Variants in TTN observed in about 807,000 individuals in gnomAD.
TTN encodes connectin.
A neutral mutation model predicts 3,223.0 loss-of-function variants in TTN; 1,525 were observed. The ratio of observed to expected loss-of-function variants is 0.47; its 90% CI spans 0.45 to 0.49. The LOEUF (loss-of-function observed/expected upper bound fraction) is 0.49, where lower values mean the gene tolerates loss of function less well. Among genes scored for constraint, TTN ranks in the 20% least tolerant of loss-of-function variants. The pLI is 0.00. For synonymous variants in TTN, 14,094 were observed against 15,161.0 expected, an observed-to-expected ratio of 0.93 and a Z score of 5.17; for missense variants, 40,786 against 43,424.0, an observed-to-expected ratio of 0.94 and a Z score of 5.40.
At chr2:178,629,204 A>G (rs531584487) in intron 240 of TTN, 97 bp downstream of exon 240, 2 of 1,443,076 alleles carry the variant, frequency 1.4e-6, no homozygotes, top group African/African-American at 2.9e-5. Flanking sequence ...AGACAGAGGA[A>G]GAGACATTAG....
chr2:178,718,630 C>T (rs1365785640), intron 84 of TTN, 30 bp from the exon 85 acceptor site: 2 of 1,602,696 alleles, frequency 1.2e-6, no homozygotes, highest in Non-Finnish European at 1.7e-6. Context: ...GGGTAAAATT[C>T]TTGCCTTCTA....
rs111362795 is a variant in TTN at position 178,564,222 on chromosome 2, T to C, written c.81910A>G (p.Ile27304Val). 26 of 1,613,496 alleles carry C rather than the reference T, an allele frequency of 1.6e-5. No individual in the cohort carries two copies. The highest frequency in any genetic ancestry group is 1.5e-4 in the African/African-American group (11 of 75,022). ...VLEADIRGKP[I>V]PDVVWSKDGK... is the part of the protein sequence containing the mutation. ...TCTTTTGACCAAACAACATCAGGTA[T>C]AGGTTTGCCACGGATGTCGGCTTCA... The change falls in exon 326 of 363, where the codon ATA becomes GTA. Residue 27304 changes from isoleucine (I) to valine (V), a missense_variant. Ile to Val is a conservative substitution (Grantham distance 29, BLOSUM62 3). Coordinates refer to ENST00000589042, the MANE Select transcript of TTN (RefSeq NM_001267550.2).
In TTN at chr2:178,665,742, A is replaced by T; in HGVS notation, c.35925T>A (p.Ala11975=). The T allele has an allele frequency of 7.5e-7, 1 of 1,333,886 alleles. No individual in the cohort carries two copies. The allele number at this position is 1,333,886 out of a possible 1,614,324, so 82.6% of individuals were successfully genotyped here. Residue 11975 remains alanine (A), a synonymous_variant, in exon 164 of 363, where the codon GCT becomes GCA. Transcript: ENST00000589042. ...EIVPVKETPM[A]APLEIEIPPT... ...GAGGTATTTCAATTTCAAGGGGAGCAGCCATGGGTGTTTCCTTTACAGGGA... is the reference window on the plus strand; with the variant it reads ...GAGGTATTTCAATTTCAAGGGGAGCTGCCATGGGTGTTTCCTTTACAGGGA...
chr2:178,799,368 C>T (rs1413848301), intron 6 of TTN, 119 bp downstream of exon 6: 3 of 1,506,746 alleles, frequency 2.0e-6, no homozygotes, highest in Non-Finnish European at 9.1e-7. Context: ...CAGCGGGACA[C>T]TGAAGAAGCG....
Position 178,647,411 on chromosome 2 carries a change from G to T in TTN, c.40111C>A (p.Pro13371Thr), listed in dbSNP as rs1480418702. Reference sequence around the variant, plus strand: ...GCAGGTGGAACTTCTGGCTCTGCAGGGATAGGCACAGACACTTCCTTTTCT... The same window carrying T: ...GCAGGTGGAACTTCTGGCTCTGCAGTGATAGGCACAGACACTTCCTTTTCT... ...IPEKEVSVPI[P>T]AEPEVPPAEV... Residue 13371 changes from proline (P) to threonine (T), a missense_variant, in exon 214 of 363, where the codon CCT (proline) becomes ACT (threonine). Transcript: ENST00000589042. The T allele has an allele frequency of 6.5e-7, 1 of 1,549,524 alleles. No homozygotes were observed. The highest frequency in any genetic ancestry group is 1.4e-5 in the African/African-American group (1 of 72,954).
At chr2:178,642,431 C>T (rs889605746) in intron 218 of TTN, 114 bp from the exon 219 acceptor site, 49 of 824,822 alleles carry the variant, frequency 5.9e-5, no homozygotes, top group African/African-American at 4.3e-4. Flanking sequence ...TAACAATTTT[C>T]GCTGCATATA....
chr2:178,622,881 AG>A, intron 242 of TTN, 114 bp from the exon 243 acceptor site: 1 of 799,918 alleles, frequency 1.3e-6, no homozygotes, highest in African/African-American at 1.8e-5. Context: ...CCATCTTAAT[AG>A]ACTACAACTG....
Position 178,582,174 on chromosome 2 carries a change from G to A in TTN, c.66195C>T (p.Ser22065=). ...PPGRCDPPVI[S]NITKDHMTVS... is the part of the protein sequence containing the mutation. ...CTGTCATGTGATCTTTGGTTATGTT[G>A]CTAATAACAGGAGGATCACAGCGTC... Residue 22065 remains serine, a synonymous_variant, in exon 315 of 363, where the codon AGC becomes AGT. Coordinates refer to ENST00000589042, the MANE Select transcript of TTN (RefSeq NM_001267550.2). 1 of 1,612,644 alleles carries A rather than the reference G, an allele frequency of 6.2e-7. No individual in the cohort carries two copies. The highest frequency in any genetic ancestry group is 8.5e-7 in the Non-Finnish European group (1 of 1,179,434).
At chr2:178,690,491 A>T (rs1490919874) in intron 121 of TTN, among the ~76,000 whole-genome samples, 1 of 151,968 alleles carries the variant, frequency 6.6e-6, no homozygotes, top group Non-Finnish European at 1.5e-5. Flanking sequence ...TTTTGTGGGT[A>T]TGTGTATTTG....
chr2:178,618,914 G>A, intron 250 of TTN, 61 bp from the exon 251 acceptor site: 1 of 1,561,482 alleles, frequency 6.4e-7, no homozygotes, highest in Non-Finnish European at 8.6e-7. Flanking sequence ...GCTACATCAT[G>A]TTATTATGCA....
chr2:178,777,713 A>G lies in TTN; in HGVS notation c.4471T>C (p.Phe1491Leu). The stretch of plus-strand genomic sequence containing the variant: ...AACTTATCACGCTTACCATCATGAA[A>G]CCAGAACGTCTCTGGCATAGGTCTA... ...VGRPMPETFW[F>L]HDGQQIVNDY... Residue 1491 changes from phenylalanine (F) to leucine (L), a missense_variant, in exon 25 of 363, where the codon TTT (phenylalanine) becomes CTT (leucine). Phe to Leu is a conservative substitution (Grantham distance 22, BLOSUM62 0). Transcript: ENST00000589042. The G allele has an allele frequency of 1.2e-6, 2 of 1,614,102 alleles. No homozygotes were observed. The highest frequency in any genetic ancestry group is 1.7e-6 in the Non-Finnish European group (2 of 1,179,966).
rs538120743 is a variant in TTN, at chr2:178,553,947, G to T, written c.89164C>A (p.Pro29722Thr). Residue 29722 changes from proline (P) to threonine (T), a missense_variant, in exon 333 of 363, where the codon CCA becomes ACA. By Grantham distance (38) the Pro-to-Thr change is conservative. Coordinates refer to ENST00000589042, the MANE Select transcript of TTN (RefSeq NM_001267550.2). ...TCAGCAGCTTTGTAGAATTCAGATG[G>T]TTCAGAAAATGGACCCTGTCCAGCA... Reference protein sequence around the residue: ...NAAGQGPFSEPSEFYKAADPI... With the variant: ...NAAGQGPFSETSEFYKAADPI... The T allele has an allele frequency of 1.1e-5, 18 of 1,606,656 alleles. 1 individual carries two copies. In the Admixed American group the frequency reaches 1.2e-4, roughly 10 times the overall value.
At chr2:178,630,546 A>C (rs1178948779) in intron 238 of TTN, among the ~76,000 whole-genome samples, 179 bp from the exon 239 acceptor site, 1 of 152,116 alleles carries the variant, frequency 6.6e-6, no homozygotes, top group African/African-American at 2.4e-5. Context: ...AGCCACATTT[A>C]TTTTAGCTGT....
Position 178,557,526 on chromosome 2 carries a change from C to T in TTN, c.87736G>A (p.Val29246Ile). Residue 29246 changes from valine to isoleucine, a missense_variant, in exon 329 of 363, where the codon GTC becomes ATC. Val to Ile is a conservative substitution (Grantham distance 29). Coordinates refer to ENST00000589042, the MANE Select transcript of TTN (RefSeq NM_001267550.2). ...ATGCTTTCTCGAGTAACATTAGTGA[C>T]CCATGGTGTAGATGGTGGTCCAGGT... is the stretch of plus-strand genomic sequence containing the variant. ...TTPGPPSTPW[V>I]TNVTRESITV... is the part of the protein sequence containing the mutation. The T allele has an allele frequency of 1.2e-6, 2 of 1,613,888 alleles. No individual in the cohort carries two copies. Among genetic ancestry groups the T allele is most frequent in the Non-Finnish European group, 1.7e-6 (2 of 1,179,842 alleles).
rs72647880 is a variant in TTN, at chr2:178,775,051, G to A, written c.6660C>T (p.Tyr2220=). ...DGMEVHEGDK[Y]RMHSDRKVHF... ...GAACCTTTCTGTCAGAGTGCATCCT[G>A]TATTTATCTCCCTCATGAACCTCCA... The change falls in exon 29 of 363, where the codon TAC becomes TAT. Residue 2220 remains tyrosine (Y), a synonymous_variant. Transcript: ENST00000589042. 1.2e-6 allele frequency: 2 copies of A among 1,614,024 alleles called. No homozygotes were observed. Among genetic ancestry groups the A allele is most frequent in the East Asian group, 2.2e-5 (1 of 44,830 alleles).
Position 178,730,282 on chromosome 2 carries a change from G to T in TTN, c.18118C>A (p.Pro6040Thr). 2 of 1,612,616 alleles carry T rather than the reference G, an allele frequency of 1.2e-6. No homozygotes were observed. The highest frequency in any genetic ancestry group is 1.7e-6 in the Non-Finnish European group (2 of 1,179,312). Residue 6040 changes from proline to threonine, a missense_variant, in exon 62 of 363, where the codon CCC becomes ACC. Coordinates refer to ENST00000589042, the MANE Select transcript of TTN (RefSeq NM_001267550.2). ...QLKALVGGTAPMTIKWFKDNK... is the reference protein window; with the variant it reads ...QLKALVGGTATMTIKWFKDNK... ...TCTTTAAACCACTTTATTGTCATGG[G>T]TGCAGTGCCACCCACAAGAGCCTTT...
In TTN at chr2:178,731,165, C is replaced by T. The variant is rs727505221; in HGVS notation, c.17500G>A (p.Val5834Ile). Reference protein sequence around the residue: ...TITEEAVSIDVTQGDPATLQV... With the variant: ...TITEEAVSIDITQGDPATLQV... ...AAAGTGGCTGGGTCTCCTTGGGTGA[C>T]ATCTATAGACACAGCTTCCTCGGTG... The change falls in exon 60 of 363, where the codon GTC becomes ATC. Residue 5834 changes from valine (V) to isoleucine (I), a missense_variant. Transcript: ENST00000589042. The T allele has an allele frequency of 5.0e-5, 80 of 1,613,486 alleles. No homozygotes were observed. The highest frequency in any genetic ancestry group is 1.6e-4 in the Middle Eastern group (1 of 6,076).
chr2:178,745,521 T>G, intron 47 of TTN: 1 of 1,596,554 alleles, frequency 6.3e-7, no homozygotes, highest in Non-Finnish European at 8.5e-7. Flanking sequence ...ATCCACATAA[T>G]TTGGAAAATA....
chr2:178,635,810 A>G, intron 226 of TTN, 95 bp from the exon 227 acceptor site: 1 of 1,516,432 alleles, frequency 6.6e-7, no homozygotes, highest in East Asian at 2.3e-5. Context: ...AAAATTTCAC[A>G]ATACTGGGCA....
Sources: allele counts gnomAD v4.1 joint callset (sites outside exome capture counted in the v4.1 genomes callset), GRCh38; gene constraint gnomAD v4.1.1; transcripts MANE v1.5; gene names NCBI Gene and HGNC (gene_info 2026-07-23, HGNC 2026-07-21).